Variants in MYLK3 observed in about 807,000 individuals in gnomAD.
MYLK3 encodes the protein myosin light chain kinase 3.
MYLK3 carries 55 observed loss-of-function variants against 76.3 expected under a neutral mutation model. That is an observed-to-expected ratio of 0.72 (90% CI 0.58 to 0.90). The LOEUF (loss-of-function observed/expected upper bound fraction) is 0.90. MYLK3 is among the 40% of genes least tolerant of loss of function. MYLK3 has a pLI of 0.00. For synonymous variants in MYLK3, 416 were observed against 425.4 expected, an observed-to-expected ratio of 0.98 and a Z score of 0.27; for missense variants, 973 against 1,053.6, an observed-to-expected ratio of 0.92 and a Z score of 1.06.
intron 1 of MYLK3, chr16:46,757,316 C>A (rs1967213156): frequency 2.4e-5 from 23 of 953,366 alleles, no homozygotes; most frequent in Non-Finnish European, 2.9e-5. Context: ...CGCAAGAGAA[C>A]CCAGGACCGG....
At chr16:46,739,967 G>T in intron 2 of MYLK3, 90 bp downstream of exon 2, 1 of 908,374 alleles carries the variant, frequency 1.1e-6, no homozygotes, top group South Asian at 1.7e-5. Flanking sequence ...CAGTTGCCCA[G>T]GAATCATACT....
intron 8 of MYLK3, among the ~76,000 whole-genome samples, chr16:46,725,199 G>A (rs1966837208): frequency 6.6e-6 from 1 of 152,140 alleles, no homozygotes; most frequent in Non-Finnish European, 1.5e-5. Flanking sequence ...CTCTCTTTAA[G>A]AGTTTTTATA....
chr16:46,711,748 C>T (rs1966686022), intron 10 of MYLK3: 1 of 330,102 alleles, frequency 3.0e-6, no homozygotes, highest in Non-Finnish European at 6.0e-6. Flanking sequence ...CCAGAAGTAT[C>T]AGGAAATCAA....
chr16:46,762,063 T>G (rs1047936653), intron 1 of MYLK3, among the ~76,000 whole-genome samples: 1 of 152,022 alleles, frequency 6.6e-6, no homozygotes, highest in Non-Finnish European at 1.5e-5. Context: ...AAGGAACGAG[T>G]CTTTGAAAGT....
At chr16:46,726,295 C>A (rs925555487) in intron 8 of MYLK3, 1 of 152,292 alleles carries the variant, frequency 6.6e-6, no homozygotes, top group Non-Finnish European at 1.5e-5. Context: ...GCCATCTGGG[C>A]TAGGTGTGGT....
chr16:46,762,741 A>T (rs1967295338), intron 1 of MYLK3, among the ~76,000 whole-genome samples: 1 of 152,222 alleles, frequency 6.6e-6, no homozygotes, highest in African/African-American at 2.4e-5. Context: ...TTTGTAAAGC[A>T]AAGTTGGCAA....
chr16:46,724,164 G>T (rs1966827387), intron 8 of MYLK3, among the ~76,000 whole-genome samples: 1 of 152,016 alleles, frequency 6.6e-6, no homozygotes, highest in Non-Finnish European at 1.5e-5. Flanking sequence ...TCTTTCTATT[G>T]TTGAGTTATA....
intron 1 of MYLK3, among the ~76,000 whole-genome samples, chr16:46,742,905 A>G (rs572383625): frequency 6.6e-6 from 1 of 152,300 alleles, no homozygotes; most frequent in South Asian, 2.1e-4. Context: ...GAGGCATGAA[A>G]CAGACCTCCT....
chr16:46,747,969 C>A lies in MYLK3; in HGVS notation c.225G>T (p.Pro75=), dbSNP rs371970108. The change falls in exon 1 of 13, where the codon CCG becomes CCT. Residue 75 remains proline (P), a synonymous_variant. Transcript: ENST00000394809. The part of the protein sequence containing the change: ...HRLEASRAPG[P]GGADGVPHID... ...TGTGGGGAACCCCATCAGCCCCGCC[C>A]GGGCCCGGTGCCCGGGAGGCCTCCA... The A allele has an allele frequency of 3.1e-6, 5 of 1,612,990 alleles. No homozygotes were observed. Among genetic ancestry groups the A allele is most frequent in the Non-Finnish European group, 4.2e-6 (5 of 1,179,822 alleles).
chr16:46,747,610 A>C, intron 1 of MYLK3, 107 bp downstream of exon 1: 6 of 1,092,924 alleles, frequency 5.5e-6, no homozygotes, highest in South Asian at 4.4e-5. Context: ...CAGGTCACAC[A>C]GGAAGGGGAC....
intron 4 of MYLK3, among the ~76,000 whole-genome samples, chr16:46,731,668 G>A (rs1357957679): frequency 1.3e-5 from 2 of 152,182 alleles, no homozygotes; most frequent in Non-Finnish European, 2.9e-5. Flanking sequence ...CACTAGCCCG[G>A]GTGGGTGGGA....
chr16:46,752,944 A>G (rs931267194), upstream of MYLK3, among the ~76,000 whole-genome samples: 2 of 152,180 alleles, frequency 1.3e-5, no homozygotes, highest in Non-Finnish European at 2.9e-5. Context: ...GACCTCTCAT[A>G]TTTCTCTCCT....
chr16:46,742,447 A>AACACACACACACAC (rs57671045), intron 1 of MYLK3, among the ~76,000 whole-genome samples: 220 of 131,160 alleles, frequency 1.7e-3, no homozygotes, highest in African/African-American at 5.7e-3. Flanking sequence ...TCCCAGCAAA[A>AACACACACACACAC]ACACACACAC....
chr16:46,734,220 AT>A (rs1244000146), intron 3 of MYLK3, among the ~76,000 whole-genome samples: 1 of 152,206 alleles, frequency 6.6e-6, no homozygotes, highest in Non-Finnish European at 1.5e-5. Context: ...ATAGCACAGA[AT>A]ACTATTCAGC....
At position 46,733,229 on chromosome 16, in the gene MYLK3, G is replaced by T. The variant is rs987832436; in HGVS notation, c.1002-561C>A. 2.4e-4 allele frequency among the ~76,000 whole-genome samples: 37 copies of T among 152,118 alleles called. 1 individual carries two copies. Among genetic ancestry groups the T allele is most frequent in the Non-Finnish European group, 5.0e-4 (34 of 68,002 alleles). On this transcript the variant is annotated intron_variant, in intron 3 of 12. Transcript: ENST00000394809. ...ATAATTTTAAAAAACTTAGCCAGGA[G>T]TGGTGGTCCCAGATACTCAGGAGGC...
At chr16:46,752,096 C>T (rs897330665), upstream of MYLK3, among the ~76,000 whole-genome samples, 8 of 152,028 alleles carry the variant, frequency 5.3e-5, no homozygotes, top group East Asian at 1.5e-3. Context: ...GATCCTCTCG[C>T]GGAAAAAGAC....
In MYLK3 at chr16:46,747,481, ACC is replaced by A. The variant is rs1967047871; in HGVS notation, c.477+234_477+235del. Among the ~76,000 whole-genome samples, 3 of 152,296 alleles carry A rather than the reference ACC, an allele frequency of 2.0e-5. No individual in the cohort carries two copies. In the South Asian group the frequency reaches 6.2e-4, roughly 32 times the overall value. The stretch of plus-strand genomic sequence containing the variant: ...AGCTAGGTTCCCTGGAGCTGCCAAG[ACC>A]CTGCAGTCCTGGCCAGAGCCCCGCT... On this transcript the variant is annotated intron_variant, in intron 1 of 12. Coordinates refer to ENST00000394809, the MANE Select transcript of MYLK3 (RefSeq NM_182493.3).
chr16:46,760,696 C>A (rs899790404), intron 1 of MYLK3, among the ~76,000 whole-genome samples: 10 of 152,212 alleles, frequency 6.6e-5, no homozygotes, highest in Non-Finnish European at 1.5e-4. Flanking sequence ...ACCCTCTGAG[C>A]TGAGCCCAGT....
rs1966631118 is a variant in MYLK3, at chr16:46,706,818, GCAATT to G, written c.*881_*885del. ...AAGAAAATCCACATTTAAGTTGACT[GCAATT>G]CAAACCCTGTTCAAGGGTCAACTGT... On this transcript the variant is annotated 3_prime_UTR_variant, in exon 13 of 13. Transcript: ENST00000394809. The G allele has an allele frequency of 6.6e-6, 1 of 152,148 alleles. No homozygotes were observed. Among genetic ancestry groups the G allele is most frequent in the South Asian group, 2.1e-4 (1 of 4,822 alleles). 9.4% of individuals were successfully genotyped at this position (152,148 alleles called of 1,614,324 possible). A position where few individuals can be genotyped will look rare whatever the true frequency, so the allele number is the denominator to read the frequency against.
Sources: gnomAD v4.1 joint callset for allele counts (sites outside exome capture counted in the v4.1 genomes callset) on GRCh38, gnomAD v4.1.1 for gene constraint, MANE v1.5 for transcripts, NCBI Gene and HGNC (gene_info 2026-07-23, HGNC 2026-07-21) for gene names.